Variants in NCK2 observed in about 807,000 individuals in gnomAD.
NCK2 encodes the protein NCK adaptor protein 2.
NCK2 carries 16 observed loss-of-function variants against 33.9 expected under a neutral mutation model. The ratio of observed to expected loss-of-function variants is 0.47; its 90% CI spans 0.32 to 0.72. The LOEUF (loss-of-function observed/expected upper bound fraction) is 0.72, where lower values mean the gene tolerates loss of function less well. NCK2 is among the 30% of genes least tolerant of loss of function. The probability of loss-of-function intolerance (pLI) is 0.03; values close to 1 mark genes in which losing one functional copy is unlikely to be tolerated. For synonymous variants in NCK2, 273 were observed against 239.9 expected, an observed-to-expected ratio of 1.14 and a Z score of -1.27; for missense variants, 418 against 537.3, an observed-to-expected ratio of 0.78 and a Z score of 2.19.
chr2:105,893,210 C>G lies in NCK2; in HGVS notation c.*34C>G. 6.5e-7 allele frequency: 1 copy of G among 1,539,232 alleles called. No homozygotes were observed. The highest frequency in any genetic ancestry group is 8.8e-7 in the Non-Finnish European group (1 of 1,140,702). Reference sequence around the variant, plus strand: ...CGGCCCCACACTCGCCTCCCGGGCCCCACGGTGGAGCTGCCCGCCCGGCCT... The same window carrying G: ...CGGCCCCACACTCGCCTCCCGGGCCGCACGGTGGAGCTGCCCGCCCGGCCT... On this transcript the variant is annotated 3_prime_UTR_variant, in exon 5 of 5. Transcript: ENST00000233154.
chr2:105,784,752 G>A (rs141108869), intron 1 of NCK2, among the ~76,000 whole-genome samples: 38 of 152,210 alleles, frequency 2.5e-4, no homozygotes, highest in African/African-American at 7.9e-4. Context: ...AGGTCCATCC[G>A]TTCCTCAGCA....
chr2:105,750,070 A>AG (rs1689408302), intron 1 of NCK2, among the ~76,000 whole-genome samples: 5 of 151,502 alleles, frequency 3.3e-5, no homozygotes, highest in African/African-American at 1.2e-4. Flanking sequence ...ACACACACAA[A>AG]ACAACAACAA....
chr2:105,809,790 C>G (rs1304523683), intron 1 of NCK2, among the ~76,000 whole-genome samples: 1 of 151,984 alleles, frequency 6.6e-6, no homozygotes, highest in Non-Finnish European at 1.5e-5. Context: ...GTTTAACTGT[C>G]CATGGAGCCA....
intron 4 of NCK2, among the ~76,000 whole-genome samples, chr2:105,892,003 C>A (rs182214630): frequency 1.3e-5 from 2 of 151,978 alleles, no homozygotes; most frequent in Middle Eastern, 3.2e-3. Flanking sequence ...AAAATGCGAC[C>A]GGAATTTTCC....
intron 1 of NCK2, among the ~76,000 whole-genome samples, chr2:105,813,621 G>A (rs150893185): frequency 6.6e-6 from 1 of 152,332 alleles, no homozygotes; most frequent in East Asian, 1.9e-4. Flanking sequence ...CTGCTTGCAG[G>A]GGGGCATCTC....
At chr2:105,876,464 C>CA in intron 3 of NCK2, among the ~76,000 whole-genome samples, 1 of 152,160 alleles carries the variant, frequency 6.6e-6, no homozygotes, top group East Asian at 1.9e-4. Flanking sequence ...GCTCCAGGGA[C>CA]ATGCTAGCGA....
chr2:105,893,291 C>G lies in NCK2; in HGVS notation c.*115C>G. 2 of 1,057,490 alleles carry G rather than the reference C, an allele frequency of 1.9e-6. No homozygotes were observed. Among genetic ancestry groups the G allele is most frequent in the Non-Finnish European group, 2.7e-6 (2 of 751,342 alleles). 65.5% of individuals were successfully genotyped at this position (1,057,490 alleles called of 1,614,324 possible). A position where few individuals can be genotyped will look rare whatever the true frequency, so the allele number is the denominator to read the frequency against. On this transcript the variant is annotated 3_prime_UTR_variant, in exon 5 of 5. Coordinates refer to ENST00000233154, the MANE Select transcript of NCK2 (RefSeq NM_003581.5). ...CCCGACGGCTTCTCTGCGAGTCTCT[C>G]TTTATGTTCAGGTCGCTTGGTCGGT...
chr2:105,835,930 T>G (rs751149846), intron 2 of NCK2, among the ~76,000 whole-genome samples: 53 of 151,524 alleles, frequency 3.5e-4, no homozygotes, highest in Non-Finnish European at 6.8e-4. Context: ...GGCTCTCAAT[T>G]TTTTTATTTA....
chr2:105,766,974 C>T (rs1402405490), intron 1 of NCK2, among the ~76,000 whole-genome samples: 4 of 152,150 alleles, frequency 2.6e-5, no homozygotes, highest in African/African-American at 7.2e-5. Context: ...TGAAGAGACA[C>T]GCTTGGGAGG....
At chr2:105,892,913 G>C (rs1679048608) in intron 4 of NCK2, 69 bp from the exon 5 acceptor site, 2 of 1,316,274 alleles carry the variant, frequency 1.5e-6, no homozygotes, top group African/African-American at 1.5e-5. Context: ...ACGCACAAGA[G>C]ATGTGGATGG....
chr2:105,844,512 G>A (rs1274648938), intron 2 of NCK2, among the ~76,000 whole-genome samples: 1 of 150,732 alleles, frequency 6.6e-6, no homozygotes, highest in Non-Finnish European at 1.5e-5. Flanking sequence ...TTATGAAGTC[G>A]AGTTGGAGAC....
chr2:105,893,020 G>A lies in NCK2; in HGVS notation c.987G>A (p.Lys329=). 6.2e-7 allele frequency: 1 copy of A among 1,613,946 alleles called. No homozygotes were observed. Among genetic ancestry groups the A allele is most frequent in the East Asian group, 2.2e-5 (1 of 44,868 alleles). The change falls in exon 5 of 5, where the codon AAG becomes AAA. Residue 329 remains lysine, a synonymous_variant. Transcript: ENST00000233154. ...DFSVSLKASG[K]NKHFKVQLVD... Reference sequence around the variant, plus strand: ...CCGTGTCCCTTAAAGCGTCAGGGAAGAACAAACACTTCAAGGTGCAGCTCG... The same window carrying A: ...CCGTGTCCCTTAAAGCGTCAGGGAAAAACAAACACTTCAAGGTGCAGCTCG...
At chr2:105,798,344 G>T (rs1419117065) in intron 1 of NCK2, among the ~76,000 whole-genome samples, 1 of 152,142 alleles carries the variant, frequency 6.6e-6, no homozygotes, top group Non-Finnish European at 1.5e-5. Context: ...GAATATTCTT[G>T]AAACTGGGTT....
intron 2 of NCK2, among the ~76,000 whole-genome samples, chr2:105,818,302 T>A: frequency 1.0e-5 from 1 of 95,740 alleles, no homozygotes; most frequent in Non-Finnish European, 2.1e-5. Context: ...GGGGGAGGGA[T>A]AGCATTAGGA....
At chr2:105,768,724 G>A (rs537970725) in intron 1 of NCK2, among the ~76,000 whole-genome samples, 7 of 152,094 alleles carry the variant, frequency 4.6e-5, no homozygotes, top group Non-Finnish European at 7.4e-5. Context: ...TGTATTTTAT[G>A]TATGGCCCAA....
At chr2:105,815,932 A>T (rs1299659970) in intron 1 of NCK2, among the ~76,000 whole-genome samples, 1 of 152,090 alleles carries the variant, frequency 6.6e-6, no homozygotes, top group East Asian at 1.9e-4. Context: ...AGAGACTGGG[A>T]GCTCAGGTCC....
chr2:105,825,109 C>G (rs1453356718), intron 2 of NCK2, among the ~76,000 whole-genome samples: 1 of 152,124 alleles, frequency 6.6e-6, no homozygotes, highest in Non-Finnish European at 1.5e-5. Context: ...TCCTCCTCTC[C>G]CTCCAGGCTT....
rs762827040 is a variant in NCK2 at position 105,760,854 on chromosome 2, T to TA, written c.-201+15722dup. Among the ~76,000 whole-genome samples the TA allele has an allele frequency of 6.6e-5, 10 of 151,114 alleles. No homozygotes were observed. In the East Asian group the frequency reaches 2.0e-3, roughly 30 times the overall value. The stretch of plus-strand genomic sequence containing the variant: ...TGGACTGTGTTCAGGTTTGAGCAAA[T>TA]AAAAAATCACCGAAAAATCTTCATA... On this transcript the variant is annotated intron_variant, in intron 1 of 4. Transcript: ENST00000233154.
chr2:105,887,422 T>A (rs762921030), intron 4 of NCK2, among the ~76,000 whole-genome samples: 9 of 152,154 alleles, frequency 5.9e-5, no homozygotes, highest in Non-Finnish European at 1.3e-4. Context: ...GAAGGAGATG[T>A]GTAGATTATT....
Sources: gnomAD v4.1 joint callset for allele counts (sites outside exome capture counted in the v4.1 genomes callset) on GRCh38, gnomAD v4.1.1 for gene constraint, MANE v1.5 for transcripts, NCBI Gene and HGNC (gene_info 2026-07-23, HGNC 2026-07-21) for gene names.